FAF1: variants seen among roughly 807,000 people sequenced by gnomAD.
FAF1 encodes FAS-associated factor 1.
Under a neutral mutation model 92.5 loss-of-function variants are expected in FAF1, and 25 were observed. The observed-to-expected ratio is 0.27, with a 90% CI of 0.20 to 0.38. The LOEUF (loss-of-function observed/expected upper bound fraction) is 0.38, where lower values mean the gene tolerates loss of function less well. Among genes scored for constraint, FAF1 ranks in the 10% least tolerant of loss-of-function variants. The pLI is 1.00. For missense variants in FAF1, 636 were observed against 793.3 expected (o/e 0.80, Z 2.38); for synonymous variants, 234 against 273.2 (o/e 0.86, Z 1.42).
At chr1:50,932,904 C>T (rs535873120) in intron 1 of FAF1, among the ~76,000 whole-genome samples, 23 of 152,332 alleles carry the variant, frequency 1.5e-4, no homozygotes, top group African/African-American at 5.5e-4. Flanking sequence ...GGAGGCTCAA[C>T]ACCATGTGGA....
intron 18 of FAF1, among the ~76,000 whole-genome samples, chr1:50,468,827 C>T (rs936844861): frequency 6.6e-6 from 1 of 152,008 alleles, no homozygotes; most frequent in Non-Finnish European, 1.5e-5. Flanking sequence ...AACTCCTGAC[C>T]TCAAGTGATC....
At chr1:50,796,345 C>CT (rs1336201185) in intron 3 of FAF1, among the ~76,000 whole-genome samples, 6 of 151,280 alleles carry the variant, frequency 4.0e-5, no homozygotes, top group Non-Finnish European at 8.9e-5. Flanking sequence ...TAGCTTCTAG[C>CT]TTTTTTTTTA....
chr1:50,757,048 T>C lies in FAF1; in HGVS notation c.368-12273A>G, dbSNP rs372155267. Among the ~76,000 whole-genome samples, 6 of 152,354 alleles carry C rather than the reference T, an allele frequency of 3.9e-5. No individual in the cohort carries two copies. In the East Asian group the frequency reaches 1.2e-3, roughly 29 times the overall value. ...GTTTATTTAGGAATATGTTGTTTAATTTCCAAATATACAGGGATATTCCAA... is the reference window on the plus strand; with the variant it reads ...GTTTATTTAGGAATATGTTGTTTAACTTCCAAATATACAGGGATATTCCAA... On this transcript the variant is annotated intron_variant, in intron 4 of 18. Coordinates refer to ENST00000396153, the MANE Select transcript of FAF1 (RefSeq NM_007051.3).
chr1:50,767,337 C>T (rs1000016992), intron 4 of FAF1, among the ~76,000 whole-genome samples: 1 of 152,158 alleles, frequency 6.6e-6, no homozygotes, highest in African/African-American at 2.4e-5. Flanking sequence ...ATCTACATCT[C>T]ACTGGTGTCC....
chr1:50,620,115 G>A (rs1653120910), intron 8 of FAF1, among the ~76,000 whole-genome samples: 1 of 152,048 alleles, frequency 6.6e-6, no homozygotes. Context: ...CACTATGTTG[G>A]CCAGGTTGGT....
intron 1 of FAF1, among the ~76,000 whole-genome samples, chr1:50,916,984 G>A (rs1644923127): frequency 6.6e-6 from 1 of 152,172 alleles, no homozygotes; most frequent in Non-Finnish European, 1.5e-5. Flanking sequence ...GAAAGTTTCT[G>A]CCAGATGAAT....
At chr1:50,553,598 G>A (rs1285383134) in intron 13 of FAF1, among the ~76,000 whole-genome samples, 1 of 152,164 alleles carries the variant, frequency 6.6e-6, no homozygotes, top group Non-Finnish European at 1.5e-5. Flanking sequence ...ATAGAACTGT[G>A]CACAGCACCA....
chr1:50,722,755 C>T (rs1320081155), intron 6 of FAF1, among the ~76,000 whole-genome samples: 1 of 152,058 alleles, frequency 6.6e-6, no homozygotes, highest in African/African-American at 2.4e-5. Flanking sequence ...GTGCAAGGCC[C>T]GCTGCTCATA....
intron 8 of FAF1, among the ~76,000 whole-genome samples, chr1:50,639,563 T>G (rs1481536475): frequency 6.6e-6 from 1 of 152,224 alleles, no homozygotes; most frequent in Non-Finnish European, 1.5e-5. Flanking sequence ...CTGAGATAAA[T>G]CCCAATGATG....
chr1:50,470,867 A>C (rs1427088251), intron 18 of FAF1: 2 of 152,214 alleles, frequency 1.3e-5, no homozygotes, highest in Non-Finnish European at 2.9e-5. Context: ...CACTCACTGA[A>C]CATCTCTCTG....
chr1:50,813,579 G>C (rs951080737), intron 2 of FAF1, among the ~76,000 whole-genome samples: 1 of 152,010 alleles, frequency 6.6e-6, no homozygotes, highest in Non-Finnish European at 1.5e-5. Context: ...TCCCACCTCA[G>C]CCTCCTGAGT....
intron 1 of FAF1, among the ~76,000 whole-genome samples, chr1:50,898,985 C>A (rs540549478): frequency 6.6e-6 from 1 of 152,146 alleles, no homozygotes; most frequent in Non-Finnish European, 1.5e-5. Flanking sequence ...TCCAATTACA[C>A]GTTTTTTAGA....
intron 3 of FAF1, among the ~76,000 whole-genome samples, chr1:50,789,292 C>A (rs1163195426): frequency 1.3e-5 from 2 of 152,318 alleles, no homozygotes; most frequent in South Asian, 2.1e-4. Flanking sequence ...GCTCTACCCA[C>A]TTAATAGCTG....
chr1:50,500,771 CATAAAAGTAAAA>C (rs1297288711), intron 15 of FAF1, among the ~76,000 whole-genome samples: 1 of 151,792 alleles, frequency 6.6e-6, no homozygotes, highest in African/African-American at 2.4e-5. Context: ...ATTATGTATC[CATAAAAGTAAAA>C]ATAAAAAAAT....
intron 8 of FAF1, among the ~76,000 whole-genome samples, chr1:50,623,478 A>G (rs542675578): frequency 9.2e-5 from 14 of 151,986 alleles, no homozygotes; most frequent in Admixed American, 8.5e-4. Flanking sequence ...CTGAGGCAGG[A>G]GAATTGCTTG....
intron 2 of FAF1, among the ~76,000 whole-genome samples, chr1:50,819,752 CAT>C (rs1170496723): frequency 0.022 from 458 of 20,608 alleles, 45 homozygotes; most frequent in African/African-American, 0.069. Context: ...TATATATATA[CAT>C]ATATATATAC....
At chr1:50,641,093 A>C (rs1415864830) in intron 8 of FAF1, among the ~76,000 whole-genome samples, 1 of 152,042 alleles carries the variant, frequency 6.6e-6, no homozygotes, top group African/African-American at 2.4e-5. Flanking sequence ...CAGCCTCCTA[A>C]AGTGCTGGGA....
In FAF1 at chr1:50,691,512, G is replaced by A. The variant is rs377043460; in HGVS notation, c.657+14274C>T. 1.8e-4 allele frequency among the ~76,000 whole-genome samples: 28 copies of A among 152,300 alleles called. No individual in the cohort carries two copies. The South Asian group carries it at 4.6e-3, about 25-fold the overall frequency. On this transcript the variant is annotated intron_variant, in intron 7 of 18. Coordinates refer to ENST00000396153, the MANE Select transcript of FAF1 (RefSeq NM_007051.3). ...TGGCCTTGGCCTCCCAAAGTACTGGGATTACCGGCATGAACCACTGCATAC... is the reference window on the plus strand; with the variant it reads ...TGGCCTTGGCCTCCCAAAGTACTGGAATTACCGGCATGAACCACTGCATAC...
chr1:50,758,846 T>A (rs1660194018), intron 4 of FAF1, among the ~76,000 whole-genome samples: 1 of 152,138 alleles, frequency 6.6e-6, no homozygotes, highest in South Asian at 2.1e-4. Flanking sequence ...TTATTATTAT[T>A]ATTGTTATTA....
Sources: allele counts gnomAD v4.1 joint callset (sites outside exome capture counted in the v4.1 genomes callset), GRCh38; gene constraint gnomAD v4.1.1; transcripts MANE v1.5; gene names NCBI Gene and HGNC (gene_info 2026-07-23, HGNC 2026-07-21).